LRRTM4: variants seen among roughly 807,000 people sequenced by gnomAD.
LRRTM4 encodes the protein leucine-rich repeat transmembrane neuronal protein 4.
LRRTM4 carries 25 observed loss-of-function variants against 47.6 expected under a neutral mutation model. The observed-to-expected ratio is 0.53, with a 90% confidence interval of 0.38 to 0.73. LRRTM4 has a LOEUF of 0.73. LRRTM4 is among the 30% of genes least tolerant of loss of function. The pLI, the probability that LRRTM4 is intolerant of heterozygous loss-of-function variation, is 0.00. For missense variants in LRRTM4, 638 were observed against 713.4 expected (o/e 0.89, Z 1.20); for synonymous variants, 311 against 269.5 (o/e 1.15, Z -1.51).
intron 3 of LRRTM4, among the ~76,000 whole-genome samples, chr2:77,165,327 T>C (rs1471547227): frequency 6.6e-6 from 1 of 151,984 alleles, no homozygotes; most frequent in Non-Finnish European, 1.5e-5. Context: ...ATTAATAGCT[T>C]ACCAACCAAA....
chr2:76,900,917 A>G (rs1014053734), intron 3 of LRRTM4, among the ~76,000 whole-genome samples: 1 of 152,208 alleles, frequency 6.6e-6, no homozygotes, highest in African/African-American at 2.4e-5. Context: ...AGAATTTTGA[A>G]AGACCTAAAA....
intron 3 of LRRTM4, among the ~76,000 whole-genome samples, chr2:77,005,288 A>AGG (rs1573439399): frequency 6.6e-6 from 1 of 152,046 alleles, no homozygotes; most frequent in Non-Finnish European, 1.5e-5. Context: ...GGGATTATAC[A>AGG]TGCCTGCCAC....
chr2:76,878,060 T>G (rs561888777), intron 3 of LRRTM4, among the ~76,000 whole-genome samples: 1 of 152,324 alleles, frequency 6.6e-6, no homozygotes, highest in Non-Finnish European at 1.5e-5. Context: ...TGCAACAGCG[T>G]ATGTTCACTT....
intron 3 of LRRTM4, among the ~76,000 whole-genome samples, chr2:77,217,440 AAT>A (rs34070418): frequency 0.16 from 12,265 of 76,718 alleles, 1,268 homozygotes; most frequent in Non-Finnish European, 0.19. Flanking sequence ...CTCCAAATGA[AAT>A]ATATATATAT....
intron 3 of LRRTM4, among the ~76,000 whole-genome samples, chr2:77,363,504 C>A (rs569923481): frequency 1.6e-4 from 25 of 152,266 alleles, no homozygotes; most frequent in African/African-American, 5.8e-4. Context: ...TGAACAGAGG[C>A]AGTGGTGGTA....
At chr2:77,016,362 C>T (rs547287573) in intron 3 of LRRTM4, among the ~76,000 whole-genome samples, 10 of 140,238 alleles carry the variant, frequency 7.1e-5, no homozygotes, top group East Asian at 2.1e-4. Context: ...TCCAGCCTGG[C>T]GACAGAGGGA....
intron 3 of LRRTM4, among the ~76,000 whole-genome samples, chr2:77,410,986 C>A (rs1023699650): frequency 6.6e-6 from 1 of 152,004 alleles, no homozygotes; most frequent in Non-Finnish European, 1.5e-5. Flanking sequence ...ACAGATGGAC[C>A]CAACGAGAAT....
At position 76,747,749 on chromosome 2, in the gene LRRTM4, T is replaced by C. The variant is rs533910827; in HGVS notation, c.*946A>G. 1.3e-5 allele frequency: 2 copies of C among 152,356 alleles called. No individual in the cohort carries two copies. The highest frequency in any genetic ancestry group is 1.3e-4 in the Admixed American group (2 of 15,296). The allele number at this position is 152,356 out of a possible 1,614,324, so 9.4% of individuals were successfully genotyped here. On this transcript the variant is annotated 3_prime_UTR_variant, in exon 4 of 4. Coordinates refer to ENST00000409884, the MANE Select transcript of LRRTM4 (RefSeq NM_001134745.3). ...TTATTTTTCAATATTTTTTCTTTTATTGATAAAAACTACACAAAAGCTAAT... is the reference window on the plus strand; with the variant it reads ...TTATTTTTCAATATTTTTTCTTTTACTGATAAAAACTACACAAAAGCTAAT...
chr2:77,041,012 A>G (rs568193676), intron 3 of LRRTM4, among the ~76,000 whole-genome samples: 2 of 151,462 alleles, frequency 1.3e-5, no homozygotes, highest in African/African-American at 4.8e-5. Flanking sequence ...GCACAGAACA[A>G]CAGAACTTCT....
chr2:77,336,164 A>AAAGG (rs771537486), intron 3 of LRRTM4, among the ~76,000 whole-genome samples: 208 of 148,720 alleles, frequency 1.4e-3, no homozygotes, highest in Admixed American at 3.8e-3. Flanking sequence ...AGGGAGAAAG[A>AAAGG]AAGGAAGGAA....
chr2:77,347,360 C>G (rs1312526801), intron 3 of LRRTM4, among the ~76,000 whole-genome samples: 1 of 152,036 alleles, frequency 6.6e-6, no homozygotes, highest in Non-Finnish European at 1.5e-5. Context: ...ATAGCTATTT[C>G]TAGCCAGGAT....
chr2:77,254,242 A>G (rs1035475432), intron 3 of LRRTM4, among the ~76,000 whole-genome samples: 4 of 152,002 alleles, frequency 2.6e-5, no homozygotes, highest in African/African-American at 9.6e-5. Flanking sequence ...AGGCAAAAAG[A>G]AAGTGGTATC....
chr2:77,320,251 G>A (rs1276703379), intron 3 of LRRTM4, among the ~76,000 whole-genome samples: 3 of 152,142 alleles, frequency 2.0e-5, no homozygotes. Context: ...CAAGAGACTA[G>A]AGACTGAAAG....
intron 3 of LRRTM4, among the ~76,000 whole-genome samples, chr2:77,149,700 G>A (rs1375375024): frequency 6.6e-6 from 1 of 152,184 alleles, no homozygotes; most frequent in Non-Finnish European, 1.5e-5. Flanking sequence ...GAAGGAAGAT[G>A]CATGTGAGAA....
At chr2:76,854,748 A>C (rs948411030) in intron 3 of LRRTM4, among the ~76,000 whole-genome samples, 2 of 151,994 alleles carry the variant, frequency 1.3e-5, no homozygotes, top group Admixed American at 1.3e-4. Flanking sequence ...AACATCTACT[A>C]TATGTCAGGA....
At chr2:77,144,084 A>T (rs1489842012) in intron 3 of LRRTM4, among the ~76,000 whole-genome samples, 1 of 152,182 alleles carries the variant, frequency 6.6e-6, no homozygotes, top group Non-Finnish European at 1.5e-5. Context: ...TTGAGCTGTG[A>T]TGAAGGCCCA....
intron 3 of LRRTM4, among the ~76,000 whole-genome samples, chr2:77,145,635 A>C (rs1001473503): frequency 8.6e-5 from 13 of 151,428 alleles, no homozygotes; most frequent in African/African-American, 1.2e-4. Context: ...TTAGCTGGGC[A>C]TGGTGGCGGG....
chr2:76,898,706 T>C (rs1673511376), intron 3 of LRRTM4, among the ~76,000 whole-genome samples: 2 of 151,626 alleles, frequency 1.3e-5, no homozygotes, highest in African/African-American at 4.8e-5. Flanking sequence ...TATTAAATTT[T>C]ATGGAAAATA....
chr2:77,443,782 G>T lies in LRRTM4; in HGVS notation c.1551+74536C>A, dbSNP rs1208755100. 3.9e-5 allele frequency among the ~76,000 whole-genome samples: 6 copies of T among 152,110 alleles called. No individual in the cohort carries two copies. In the East Asian group the frequency reaches 1.2e-3, roughly 29 times the overall value. On this transcript the variant is annotated intron_variant, in intron 3 of 3. Coordinates refer to ENST00000409884, the MANE Select transcript of LRRTM4 (RefSeq NM_001134745.3). ...TATGACAGCATCCCTAACATTGACAGTTGATATGAAATTATTGATTGATTA... is the reference window on the plus strand; with the variant it reads ...TATGACAGCATCCCTAACATTGACATTTGATATGAAATTATTGATTGATTA...
Sources: gnomAD v4.1 joint callset for allele counts (sites outside exome capture counted in the v4.1 genomes callset) on GRCh38, gnomAD v4.1.1 for gene constraint, MANE v1.5 for transcripts, NCBI Gene and HGNC (gene_info 2026-07-23, HGNC 2026-07-21) for gene names.